LPP: variants seen among roughly 807,000 people sequenced by gnomAD.
LPP encodes the protein LIM domain containing preferred translocation partner in lipoma.
In LPP, 38 loss-of-function variants were observed where a neutral mutation model predicts 60.4. The observed-to-expected ratio is 0.63, with a 90% CI of 0.49 to 0.83. LPP has a LOEUF of 0.83. LPP is among the 40% of genes least tolerant of loss of function. The probability of loss-of-function intolerance (pLI) is 0.00; values close to 1 mark genes in which losing one functional copy is unlikely to be tolerated. For synonymous variants in LPP, 328 were observed against 290.8 expected (o/e 1.13, Z -1.30); for missense variants, 902 against 783.6 (o/e 1.15, Z -1.80).
chr3:188,177,920 A>G lies in LPP; in HGVS notation c.-190+23668A>G, dbSNP rs185039335. 2.8e-3 allele frequency among the ~76,000 whole-genome samples: 426 copies of G among 152,306 alleles called. 1 individual carries two copies. Among genetic ancestry groups the G allele is most frequent in the Non-Finnish European group, 4.8e-3 (327 of 68,030 alleles). On this transcript the variant is annotated intron_variant, in intron 1 of 11. Coordinates refer to ENST00000617246, the MANE Select transcript of LPP (RefSeq NM_001375462.1). ...ATGCTGGGAAGATGTGACGATGTGC[A>G]TAAGTGTGTCATGTTCAAGATGGTT...
In LPP at chr3:188,833,753, T is replaced by C. The variant is rs78781650; in HGVS notation, c.1411-32447T>C. On this transcript the variant is annotated intron_variant, in intron 9 of 11. Coordinates refer to ENST00000617246, the MANE Select transcript of LPP (RefSeq NM_001375462.1). Reference sequence around the variant, plus strand: ...AACCACGAACCACCAAGAATTAAATTAATCCCCAAGAGCCTGAGCAATTAT... The same window carrying C: ...AACCACGAACCACCAAGAATTAAATCAATCCCCAAGAGCCTGAGCAATTAT... Among the ~76,000 whole-genome samples the C allele has an allele frequency of 1.4e-3, 213 of 152,288 alleles. 4 individuals carry two copies. The East Asian group carries it at 0.039, about 28-fold the overall frequency.
At chr3:188,756,668 C>G (rs1730364941) in intron 8 of LPP, among the ~76,000 whole-genome samples, 1 of 152,170 alleles carries the variant, frequency 6.6e-6, no homozygotes, top group Non-Finnish European at 1.5e-5. Context: ...TTCTGTCCTA[C>G]TGATGTGTGG....
In LPP at chr3:188,609,616, C is replaced by T. The variant is rs771442540; in HGVS notation, c.885C>T (p.Arg295=). 3.1e-6 allele frequency: 5 copies of T among 1,614,134 alleles called. No individual in the cohort carries two copies. The highest frequency in any genetic ancestry group is 2.2e-5 in the South Asian group (2 of 91,078). ...ATGGGTATGCCCCCAACCAGGGACG[C>T]TATTATGAAGGCTACTATGCAGCAG... ...PGYGYAPNQG[R]YYEGYYAAGP... The change falls in exon 7 of 12, where the codon CGC becomes CGT. Residue 295 remains arginine (R), a synonymous_variant. Transcript: ENST00000617246. This position sits in a 1 kb window ranked among gnomAD's most constrained non-coding sequence, Gnocchi z 6.9.
chr3:188,460,486 C>T (rs1021449837), intron 4 of LPP, among the ~76,000 whole-genome samples: 2 of 152,158 alleles, frequency 1.3e-5, no homozygotes, highest in South Asian at 4.1e-4. Flanking sequence ...TGGTTCCAGG[C>T]GCAGTTACTG....
At chr3:188,778,107 C>T (rs1738405511) in intron 9 of LPP, among the ~76,000 whole-genome samples, 1 of 152,138 alleles carries the variant, frequency 6.6e-6, no homozygotes, top group African/African-American at 2.4e-5. Context: ...ATTGATGTTT[C>T]AAGTGGAATC....
intron 4 of LPP, among the ~76,000 whole-genome samples, chr3:188,434,705 A>C (rs1334011809): frequency 1.3e-5 from 2 of 152,230 alleles, no homozygotes; most frequent in Non-Finnish European, 2.9e-5. Flanking sequence ...AGTGTGTTCA[A>C]GAAGCACCGG....
intron 11 of LPP, 138 bp downstream of exon 11, chr3:188,872,901 T>G (rs1768517479): frequency 9.3e-7 from 1 of 1,072,036 alleles, no homozygotes; most frequent in African/African-American, 1.6e-5. Flanking sequence ...GGTTTTAGAT[T>G]TGACACTAGT....
At chr3:188,538,332 GATTCTT>G (rs1387246718) in intron 6 of LPP, among the ~76,000 whole-genome samples, 1 of 152,132 alleles carries the variant, frequency 6.6e-6, no homozygotes, top group African/African-American at 2.4e-5. Flanking sequence ...AATATATTAA[GATTCTT>G]ACAACTCATT....
chr3:188,697,983 T>C (rs1380767430), intron 7 of LPP, among the ~76,000 whole-genome samples: 1 of 152,190 alleles, frequency 6.6e-6, no homozygotes, highest in Non-Finnish European at 1.5e-5. Flanking sequence ...TTAGAACCAG[T>C]CAGGGCTGGA....
chr3:188,766,633 G>A (rs551960359), intron 9 of LPP, among the ~76,000 whole-genome samples: 8 of 152,188 alleles, frequency 5.3e-5, no homozygotes, highest in African/African-American at 1.7e-4. Flanking sequence ...TCCCAAGGCC[G>A]GCTATCTCTA....
chr3:188,238,534 G>A (rs768860264), intron 2 of LPP, among the ~76,000 whole-genome samples: 12 of 152,000 alleles, frequency 7.9e-5, no homozygotes, highest in Non-Finnish European at 1.0e-4. Context: ...TGAACACTTC[G>A]AAACCATTGT....
intron 6 of LPP, among the ~76,000 whole-genome samples, chr3:188,542,833 C>T (rs530279042): frequency 4.5e-4 from 69 of 152,310 alleles, no homozygotes; most frequent in Admixed American, 2.7e-3. Context: ...CAGCTCCTTT[C>T]TTGAAGCCTC....
chr3:188,439,901 G>C (rs1041536330), intron 4 of LPP, among the ~76,000 whole-genome samples: 1 of 152,180 alleles, frequency 6.6e-6, no homozygotes, highest in Non-Finnish European at 1.5e-5. Flanking sequence ...GTCTAAAGTT[G>C]TGCAGGATAG....
chr3:188,770,344 A>ATTTTTTTT (rs61040174), intron 9 of LPP, among the ~76,000 whole-genome samples: 104 of 115,210 alleles, frequency 9.0e-4, no homozygotes, highest in East Asian at 2.9e-3. Flanking sequence ...ACGCCCAGCT[A>ATTTTTTTT]TTTTTTTTTT....
chr3:188,802,521 G>T (rs973995673), intron 9 of LPP, among the ~76,000 whole-genome samples: 10 of 152,150 alleles, frequency 6.6e-5, no homozygotes, highest in East Asian at 3.9e-4. Flanking sequence ...GGTGGCTCAC[G>T]CCTGTAATCC....
chr3:188,463,332 G>C (rs1159730183), intron 4 of LPP, among the ~76,000 whole-genome samples: 4 of 149,356 alleles, frequency 2.7e-5, no homozygotes, highest in Non-Finnish European at 5.9e-5. Context: ...TAGGACTATA[G>C]GTGTGTGTCA....
At chr3:188,672,286 CTT>C (rs879897604) in intron 7 of LPP, among the ~76,000 whole-genome samples, 1 of 144,408 alleles carries the variant, frequency 6.9e-6, no homozygotes, top group Non-Finnish European at 1.5e-5. Context: ...TTATAAGACT[CTT>C]TTTTTTTTTT....
intron 7 of LPP, among the ~76,000 whole-genome samples, chr3:188,645,374 A>T (rs1850921209): frequency 6.6e-6 from 1 of 152,058 alleles, no homozygotes; most frequent in South Asian, 2.1e-4. Flanking sequence ...AAATCTCTTC[A>T]GTCGTCTCTC....
At chr3:188,633,582 T>C (rs1360666277) in intron 7 of LPP, among the ~76,000 whole-genome samples, 1 of 152,168 alleles carries the variant, frequency 6.6e-6, no homozygotes. Context: ...ACAGTGATTT[T>C]TTTCCAGATA....
Sources: gnomAD v4.1 joint callset for allele counts (sites outside exome capture counted in the v4.1 genomes callset) on GRCh38, gnomAD v4.1.1 for gene constraint, Gnocchi (gnomAD v3.1) non-coding constraint, MANE v1.5 for transcripts, NCBI Gene and HGNC (gene_info 2026-07-23, HGNC 2026-07-21) for gene names.